Variants in RNF144B observed in about 807,000 individuals in gnomAD.
The protein encoded by RNF144B is ring finger protein 144B, also known as E3 ubiquitin-protein ligase RNF144B.
A neutral mutation model predicts 40.2 loss-of-function variants in RNF144B; 25 were observed. That is an observed-to-expected ratio of 0.62 (90% CI 0.45 to 0.87). RNF144B has a LOEUF of 0.87. RNF144B is among the 40% of genes least tolerant of loss of function. RNF144B has a pLI of 0.00. For synonymous variants in RNF144B, 145 were observed against 136.3 expected (o/e 1.06, Z -0.44); for missense variants, 365 against 373.7 (o/e 0.98, Z 0.19).
intron 3 of RNF144B, among the ~76,000 whole-genome samples, chr6:18,431,706 G>A (rs184641877): frequency 3.3e-5 from 5 of 152,292 alleles, no homozygotes; most frequent in South Asian, 2.1e-4. Flanking sequence ...ATTACAACAC[G>A]TGATTCTTCA....
intron 1 of RNF144B, among the ~76,000 whole-genome samples, chr6:18,393,065 G>A (rs1236296623): frequency 2.0e-5 from 3 of 149,838 alleles, no homozygotes; most frequent in East Asian, 3.9e-4. Flanking sequence ...AGCTTGCAGC[G>A]AGCCGAGATC....
rs1031758149 is a variant in RNF144B at position 18,466,890 on chromosome 6, A to T, written c.*1823A>T. 3.3e-5 allele frequency: 5 copies of T among 152,590 alleles called. No individual in the cohort carries two copies. Among genetic ancestry groups the T allele is most frequent in the Non-Finnish European group, 7.3e-5 (5 of 68,034 alleles). The allele number at this position is 152,590 out of a possible 1,614,324, so 9.5% of individuals were successfully genotyped here. ...AATTTACATGTTGTGTAGAACATAGATGAGAACTCTGGGAAAACTTGGGAA... is the reference window on the plus strand; with the variant it reads ...AATTTACATGTTGTGTAGAACATAGTTGAGAACTCTGGGAAAACTTGGGAA... On this transcript the variant is annotated 3_prime_UTR_variant, in exon 8 of 8. Transcript: ENST00000259939.
intron 3 of RNF144B, among the ~76,000 whole-genome samples, chr6:18,438,538 A>G (rs1324546883): frequency 6.6e-6 from 1 of 152,196 alleles, no homozygotes; most frequent in Non-Finnish European, 1.5e-5. Context: ...GGTCCTTTAT[A>G]CATTTTAGCT....
At chr6:18,431,005 G>A (rs6926841) in intron 3 of RNF144B, among the ~76,000 whole-genome samples, 18,212 of 152,048 alleles carry the variant, frequency 0.12, 1,285 homozygotes, top group Admixed American at 0.19. Context: ...CACTTTGGGA[G>A]GCTGAGGTGG....
rs1157121154 is a variant in RNF144B at position 18,398,832 on chromosome 6, CAT to C, written c.-36-664_-36-663del. On this transcript the variant is annotated intron_variant, in intron 1 of 7. Transcript: ENST00000259939. This position sits in a 1 kb window ranked among gnomAD's most constrained non-coding sequence, Gnocchi z 5.0. ...TTGGGTATATACCCGATTGCTGGATCATATGTTACCTCTTTGTTTAACTTTTT... is the reference window on the plus strand; with the variant it reads ...TTGGGTATATACCCGATTGCTGGATCATGTTACCTCTTTGTTTAACTTTTT... Among the ~76,000 whole-genome samples the C allele has an allele frequency of 2.6e-5, 4 of 152,180 alleles. No homozygotes were observed. The highest frequency in any genetic ancestry group is 9.7e-5 in the African/African-American group (4 of 41,446).
In RNF144B at chr6:18,405,513, G is replaced by A. The variant is rs1026049435; in HGVS notation, c.165+5814G>A. On this transcript the variant is annotated intron_variant, in intron 2 of 7. Transcript: ENST00000259939. The surrounding 1 kb of genome is among the most constrained non-coding windows in gnomAD (Gnocchi z 4.5). ...TATGCTTTCCCTTAACTTTGCTTGG[G>A]GTGGTTAGCAGTAAATCAGTGAATT... is the stretch of plus-strand genomic sequence containing the variant. Among the ~76,000 whole-genome samples the A allele has an allele frequency of 1.3e-5, 2 of 152,092 alleles. No homozygotes were observed. Among genetic ancestry groups the A allele is most frequent in the Non-Finnish European group, 2.9e-5 (2 of 68,022 alleles).
intron 3 of RNF144B, among the ~76,000 whole-genome samples, chr6:18,432,537 C>T (rs1269211524): frequency 6.6e-6 from 1 of 152,194 alleles, no homozygotes; most frequent in African/African-American, 2.4e-5. Flanking sequence ...ATTGTTTATT[C>T]CAATAGCATT....
chr6:18,419,778 G>A lies in RNF144B; in HGVS notation c.166-7803G>A, dbSNP rs1453790804. Among the ~76,000 whole-genome samples the A allele has an allele frequency of 2.0e-5, 3 of 152,110 alleles. No homozygotes were observed. The highest frequency in any genetic ancestry group is 4.4e-5 in the Non-Finnish European group (3 of 68,024). On this transcript the variant is annotated intron_variant, in intron 2 of 7. Coordinates refer to ENST00000259939, the MANE Select transcript of RNF144B (RefSeq NM_182757.4). This position sits in a 1 kb window ranked among gnomAD's most constrained non-coding sequence, Gnocchi z 4.6. ...ATTTGATTGTGAAGAGTTGAGGAGTGAAGAAGGCAGTATACAGCCAGGAAG... is the reference window on the plus strand; with the variant it reads ...ATTTGATTGTGAAGAGTTGAGGAGTAAAGAAGGCAGTATACAGCCAGGAAG...
At chr6:18,428,178 A>G (rs1280151063) in intron 3 of RNF144B, among the ~76,000 whole-genome samples, 1 of 152,104 alleles carries the variant, frequency 6.6e-6, no homozygotes, top group African/African-American at 2.4e-5. Flanking sequence ...CGGCCATGTG[A>G]AGAAAGATGT....
At chr6:18,389,431 T>C (rs1382083098) in intron 1 of RNF144B, among the ~76,000 whole-genome samples, 2 of 152,226 alleles carry the variant, frequency 1.3e-5, no homozygotes, top group Admixed American at 1.3e-4. Context: ...CTCAGTAGTA[T>C]GAATATTTTT....
intron 2 of RNF144B, among the ~76,000 whole-genome samples, chr6:18,415,743 T>C (rs1386844329): frequency 6.6e-6 from 1 of 152,130 alleles, no homozygotes; most frequent in South Asian, 2.1e-4. Context: ...TCAATGTGTT[T>C]GCTTAGATTG....
chr6:18,405,150 T>A lies in RNF144B; in HGVS notation c.165+5451T>A, dbSNP rs558162934. 1.1e-3 allele frequency among the ~76,000 whole-genome samples: 154 copies of A among 146,238 alleles called. No individual in the cohort carries two copies. The highest frequency in any genetic ancestry group is 3.6e-3 in the African/African-American group (143 of 39,846). On this transcript the variant is annotated intron_variant, in intron 2 of 7. Transcript: ENST00000259939. This position sits in a 1 kb window ranked among gnomAD's most constrained non-coding sequence, Gnocchi z 4.5. ...CTTGCTTGCAAGGTTAGTTTTTTTC[T>A]TTATTATTATTATTATTATTATTAT...
chr6:18,436,693 A>G (rs898685249), intron 3 of RNF144B, among the ~76,000 whole-genome samples: 1 of 152,218 alleles, frequency 6.6e-6, no homozygotes, highest in Non-Finnish European at 1.5e-5. Context: ...TGTCAGGTGT[A>G]GCAGTCAATT....
rs948635538 is a variant in RNF144B, at chr6:18,425,062, T to A, written c.166-2519T>A. Among the ~76,000 whole-genome samples the A allele has an allele frequency of 6.6e-6, 1 of 152,088 alleles. No homozygotes were observed. Among genetic ancestry groups the A allele is most frequent in the Non-Finnish European group, 1.5e-5 (1 of 68,020 alleles). ...GTGTATGTGTGTATGTGTGGGTGTG[T>A]GTGTGTGTGTGTTAAAACCTGTGAG... On this transcript the variant is annotated intron_variant, in intron 2 of 7. Transcript: ENST00000259939. The surrounding 1 kb of genome is among the most constrained non-coding windows in gnomAD (Gnocchi z 4.2).
At chr6:18,417,653 A>T (rs1795170883) in intron 2 of RNF144B, among the ~76,000 whole-genome samples, 1 of 152,080 alleles carries the variant, frequency 6.6e-6, no homozygotes, top group African/African-American at 2.4e-5. Context: ...AAATAGAAAA[A>T]TTTTCATGAT....
chr6:18,446,250 G>A lies in RNF144B; in HGVS notation c.331+6506G>A, dbSNP rs1279961871. ...ATAAGACAAAACTATTCTCTTAATG[G>A]GATACTGGAATTATAATACATTTCC... On this transcript the variant is annotated intron_variant, in intron 4 of 7. Transcript: ENST00000259939. The surrounding 1 kb of genome is among the most constrained non-coding windows in gnomAD (Gnocchi z 4.7). Among the ~76,000 whole-genome samples the A allele has an allele frequency of 6.6e-6, 1 of 152,010 alleles. No homozygotes were observed. Among genetic ancestry groups the A allele is most frequent in the Non-Finnish European group, 1.5e-5 (1 of 67,996 alleles).
rs2113520677 is a variant in RNF144B, at chr6:18,444,314, T to C, written c.331+4570T>C. On this transcript the variant is annotated intron_variant, in intron 4 of 7. Coordinates refer to ENST00000259939, the MANE Select transcript of RNF144B (RefSeq NM_182757.4). The surrounding 1 kb of genome is among the most constrained non-coding windows in gnomAD (Gnocchi z 4.3). ...CTGGCTTTCTCTTTCTGCATCAGCT[T>C]TCCAATATTAACAAGGAAAAGGGAA... Among the ~76,000 whole-genome samples the C allele has an allele frequency of 6.6e-6, 1 of 152,332 alleles. No individual in the cohort carries two copies.
chr6:18,421,973 C>T (rs1029943789), intron 2 of RNF144B, among the ~76,000 whole-genome samples: 1 of 152,096 alleles, frequency 6.6e-6, no homozygotes, highest in Non-Finnish European at 1.5e-5. Context: ...TCCTATCAGT[C>T]CTTTCATGTC....
rs146094629 is a variant in RNF144B at position 18,459,255 on chromosome 6, A to T, written c.537-352A>T. ...GTCTAATGAACAGACCATTAGATAG[A>T]TTATATACGCCCAGTTTGGACCCTG... On this transcript the variant is annotated intron_variant, in intron 5 of 7. Transcript: ENST00000259939. This position sits in a 1 kb window ranked among gnomAD's most constrained non-coding sequence, Gnocchi z 4.2. 2.8e-4 allele frequency among the ~76,000 whole-genome samples: 43 copies of T among 152,338 alleles called. No individual in the cohort carries two copies. The East Asian group carries it at 6.7e-3, about 24-fold the overall frequency.
Sources: allele counts gnomAD v4.1 joint callset (sites outside exome capture counted in the v4.1 genomes callset), GRCh38; gene constraint gnomAD v4.1.1; non-coding constraint Gnocchi (gnomAD v3.1); transcripts MANE v1.5; gene names NCBI Gene and HGNC (gene_info 2026-07-23, HGNC 2026-07-21).